NR4A3: variants seen among roughly 807,000 people sequenced by gnomAD.
The protein encoded by NR4A3 is chondrosarcoma, extraskeletal myxoid, fused to EWS.
In NR4A3, 13 loss-of-function variants were observed where a neutral mutation model predicts 55.6. The ratio of observed to expected loss-of-function variants is 0.23; its 90% CI spans 0.15 to 0.37. The LOEUF (loss-of-function observed/expected upper bound fraction) is 0.37, where lower values mean the gene tolerates loss of function less well. NR4A3 is among the 10% of genes least tolerant of loss of function. The probability of loss-of-function intolerance (pLI) is 1.00; values close to 1 mark genes in which losing one functional copy is unlikely to be tolerated. For missense variants in NR4A3, 646 were observed against 822.8 expected (o/e 0.79, Z 2.63); for synonymous variants, 342 against 357.9 (o/e 0.96, Z 0.50).
chr9:99,825,606 G>C lies in NR4A3; in HGVS notation c.-176-53G>C, dbSNP rs550077118. On this transcript the variant is annotated intron_variant, in intron 1 of 7. Transcript: ENST00000395097. This position sits in a 1 kb window ranked among gnomAD's most constrained non-coding sequence, Gnocchi z 5.0. Reference sequence around the variant, plus strand: ...CCCAATGCGCCCAGCCCGGGCCGTAGTGACCCATCCTGGTCTCACTGTGAC... The same window carrying C: ...CCCAATGCGCCCAGCCCGGGCCGTACTGACCCATCCTGGTCTCACTGTGAC... 2 of 153,492 alleles carry C rather than the reference G, an allele frequency of 1.3e-5. No homozygotes were observed. The highest frequency in any genetic ancestry group is 4.8e-5 in the African/African-American group (2 of 41,482). 9.5% of individuals were successfully genotyped at this position (153,492 alleles called of 1,614,324 possible).
intron 1 of NR4A3, among the ~76,000 whole-genome samples, chr9:99,823,103 T>C (rs772344692): frequency 6.6e-6 from 1 of 152,202 alleles, no homozygotes; most frequent in Non-Finnish European, 1.5e-5. Context: ...TCGGGTGTAA[T>C]TGGCGACTCC....
chr9:99,834,743 T>A (rs1335632531), intron 5 of NR4A3: 1 of 972,592 alleles, frequency 1.0e-6, no homozygotes, highest in Non-Finnish European at 1.2e-6. Flanking sequence ...TGATCCTCTT[T>A]CCCTCTTCCC....
intron 7 of NR4A3, among the ~76,000 whole-genome samples, chr9:99,848,622 G>A (rs993421311): frequency 6.6e-6 from 1 of 152,164 alleles, no homozygotes; most frequent in African/African-American, 2.4e-5. Context: ...GGGATTCCTG[G>A]CGTGAGCCAC....
intron 7 of NR4A3, among the ~76,000 whole-genome samples, chr9:99,856,874 T>C (rs979318026): frequency 6.6e-6 from 1 of 152,214 alleles, no homozygotes; most frequent in African/African-American, 2.4e-5. Flanking sequence ...ACACCTTAAG[T>C]ATCTAGGAAT....
chr9:99,829,204 CG>C (rs1191997941), intron 3 of NR4A3, among the ~76,000 whole-genome samples: 2 of 152,180 alleles, frequency 1.3e-5, no homozygotes. Context: ...AGACGGACTC[CG>C]GGGGTCCGTG....
chr9:99,831,983 T>C (rs1033787487), intron 3 of NR4A3, among the ~76,000 whole-genome samples: 3 of 152,176 alleles, frequency 2.0e-5, no homozygotes, highest in Non-Finnish European at 4.4e-5. Context: ...CTGTCATATA[T>C]CTTTCTTTGT....
In NR4A3 at chr9:99,828,920, C is replaced by T. The variant is rs1323607103; in HGVS notation, c.878C>T (p.Ala293Val). 2 of 1,473,664 alleles carry T rather than the reference C, an allele frequency of 1.4e-6. No homozygotes were observed. Among genetic ancestry groups the T allele is most frequent in the Non-Finnish European group, 1.8e-6 (2 of 1,115,408 alleles). The allele number at this position is 1,473,664 out of a possible 1,614,324, so 91.3% of individuals were successfully genotyped here. Residue 293 changes from alanine (A) to valine (V), a missense_variant, in exon 3 of 8, where the codon GCC (alanine) becomes GTC (valine). Physicochemically the swap from Ala to Val is moderately conservative, Grantham distance 64 (BLOSUM62 0). This residue lies in a region of NR4A3 where 426 missense variants were observed against 429.4 expected (regional missense o/e 0.99). Transcript: ENST00000395097. This position sits in a 1 kb window ranked among gnomAD's most constrained non-coding sequence, Gnocchi z 7.7. Reference sequence around the variant, plus strand: ...TCGTCGTCTGGCGAGGGCACGTGTGCCGTGTGCGGGGACAACGCCGCCTGC... The same window carrying T: ...TCGTCGTCTGGCGAGGGCACGTGTGTCGTGTGCGGGGACAACGCCGCCTGC... Reference protein sequence around the residue: ...RSSSSGEGTCAVCGDNAACQH... With the variant: ...RSSSSGEGTCVVCGDNAACQH...
chr9:99,833,612 T>A, intron 5 of NR4A3, 158 bp downstream of exon 5: 1 of 1,599,160 alleles, frequency 6.3e-7, no homozygotes, highest in South Asian at 1.1e-5. Context: ...ATTCAGTGCA[T>A]CCATTGCAGC....
chr9:99,852,427 GGTGAGATGATGTCTT>G (rs1827864974), intron 7 of NR4A3, among the ~76,000 whole-genome samples: 1 of 152,154 alleles, frequency 6.6e-6, no homozygotes, highest in Non-Finnish European at 1.5e-5. Flanking sequence ...GGTGATGAGT[GGTGAGATGATGTCTT>G]GTGCTTTTGG....
At chr9:99,861,608 C>T (rs142561855) in intron 7 of NR4A3, among the ~76,000 whole-genome samples, 8 of 152,300 alleles carry the variant, frequency 5.3e-5, no homozygotes, top group African/African-American at 1.9e-4. Context: ...TCTCCTTTTA[C>T]AGGGCCCCAA....
chr9:99,857,904 C>T (rs1376285974), intron 7 of NR4A3, among the ~76,000 whole-genome samples: 1 of 151,994 alleles, frequency 6.6e-6, no homozygotes, highest in African/African-American at 2.4e-5. Flanking sequence ...TTAATAACTC[C>T]CAACCTGTAT....
At chr9:99,830,323 G>A (rs1656084887) in intron 3 of NR4A3, among the ~76,000 whole-genome samples, 1 of 152,122 alleles carries the variant, frequency 6.6e-6, no homozygotes, top group African/African-American at 2.4e-5. Context: ...CCCTATCAAT[G>A]AATAAAACTC....
At position 99,822,938 on chromosome 9, in the gene NR4A3, G is replaced by A. The variant is rs1827210249; in HGVS notation, c.-177+531G>A. The stretch of plus-strand genomic sequence containing the variant: ...AGGAGGGAAGGGCCTAGGCAGCGAC[G>A]GCCAGAGTTTGCAGACGCACTCGGA... On this transcript the variant is annotated intron_variant, in intron 1 of 7. Coordinates refer to ENST00000395097, the MANE Select transcript of NR4A3 (RefSeq NM_006981.4). This position sits in a 1 kb window ranked among gnomAD's most constrained non-coding sequence, Gnocchi z 4.9. 6.6e-6 allele frequency among the ~76,000 whole-genome samples: 1 copy of A among 152,170 alleles called. No individual in the cohort carries two copies. The highest frequency in any genetic ancestry group is 3.2e-3 in the Middle Eastern group (1 of 316).
intron 7 of NR4A3, among the ~76,000 whole-genome samples, chr9:99,862,976 T>TG (rs568545612): frequency 6.6e-6 from 1 of 151,666 alleles, no homozygotes; most frequent in Admixed American, 6.6e-5. Context: ...GGGTTTCAAG[T>TG]GGGGGGGAAC....
rs536292861 is a variant in NR4A3, at chr9:99,831,675, T to G, written c.952-1014T>G. 2.0e-4 allele frequency among the ~76,000 whole-genome samples: 31 copies of G among 152,346 alleles called. 1 individual carries two copies. Among genetic ancestry groups the G allele is most frequent in the Middle Eastern group, 6.8e-3 (2 of 294 alleles). ...AAATAAATTTCAACTTTCTGCTCTA[T>G]TTGGAGTTGTATAGATCCAGGTAAT... On this transcript the variant is annotated intron_variant, in intron 3 of 7. Transcript: ENST00000395097.
rs1304651757 is a variant in NR4A3 at position 99,844,630 on chromosome 9, T to C, written c.1255-19T>C. ...CCACTGAAGCAGGATAATGCTGCTC[T>C]CTCTGGTTTGCATTCTAGTACTGTC... is the stretch of plus-strand genomic sequence containing the variant. On this transcript the variant is annotated intron_variant, in intron 5 of 7. Coordinates refer to ENST00000395097, the MANE Select transcript of NR4A3 (RefSeq NM_006981.4). 1.2e-6 allele frequency: 2 copies of C among 1,610,768 alleles called. No individual in the cohort carries two copies. Among genetic ancestry groups the C allele is most frequent in the Admixed American group, 1.7e-5 (1 of 60,026 alleles).
At chr9:99,827,893 G>A in intron 2 of NR4A3, 148 bp from the exon 3 acceptor site, 2 of 1,022,772 alleles carry the variant, frequency 2.0e-6, no homozygotes, top group Non-Finnish European at 1.4e-6. Flanking sequence ...AATAAGTGTG[G>A]GGCTTTGTGT....
intron 7 of NR4A3, among the ~76,000 whole-genome samples, chr9:99,862,303 G>A (rs1325573203): frequency 6.6e-6 from 1 of 151,860 alleles, no homozygotes; most frequent in East Asian, 1.9e-4. Context: ...CAACACTTTG[G>A]GAGGCCAAGA....
intron 5 of NR4A3, among the ~76,000 whole-genome samples, chr9:99,840,055 C>A (rs1827625539): frequency 6.6e-6 from 1 of 152,234 alleles, no homozygotes; most frequent in African/African-American, 2.4e-5. Flanking sequence ...GGAGATTTTT[C>A]TTTTCCTCCA....
Sources: allele counts gnomAD v4.1 joint callset (sites outside exome capture counted in the v4.1 genomes callset), GRCh38; gene constraint gnomAD v4.1.1; regional missense constraint gnomAD v4.1.1; non-coding constraint Gnocchi (gnomAD v3.1); transcripts MANE v1.5; gene names NCBI Gene and HGNC (gene_info 2026-07-23, HGNC 2026-07-21).